The following SIPA1L3 variants were observed in gnomAD, a reference collection of about 807,000 sequenced individuals.
The protein encoded by SIPA1L3 is signal induced proliferation associated 1 like 3.
SIPA1L3 carries 59 observed loss-of-function variants against 150.1 expected under a neutral mutation model. The ratio of observed to expected loss-of-function variants is 0.39; its 90% CI spans 0.32 to 0.49. The LOEUF (loss-of-function observed/expected upper bound fraction) is 0.49, where lower values mean the gene tolerates loss of function less well. Among genes scored for constraint, SIPA1L3 ranks in the 20% least tolerant of loss-of-function variants. SIPA1L3 has a pLI of 0.86. For missense variants in SIPA1L3, 2,211 were observed against 2,489.5 expected (o/e 0.89, Z 2.38); for synonymous variants, 1,070 against 1,077.6 (o/e 0.99, Z 0.14).
intron 4 of SIPA1L3, among the ~76,000 whole-genome samples, chr19:38,098,348 A>C (rs1600065438): frequency 6.7e-6 from 1 of 148,582 alleles, no homozygotes; most frequent in African/African-American, 2.5e-5. Flanking sequence ...TTCTCATACC[A>C]CTGCCCATCA....
At chr19:38,203,093 T>A (rs964180049) in intron 20 of SIPA1L3, among the ~76,000 whole-genome samples, 2 of 152,034 alleles carry the variant, frequency 1.3e-5, no homozygotes, top group Admixed American at 1.3e-4. Context: ...GTGGGAGCAA[T>A]TTTTGAGGGT....
rs1277662578 is a variant in SIPA1L3, at chr19:38,119,738, G to A, written c.2724G>A (p.Val908=). 2 of 1,614,168 alleles carry A rather than the reference G, an allele frequency of 1.2e-6. No individual in the cohort carries two copies. Among genetic ancestry groups the A allele is most frequent in the Admixed American group, 1.7e-5 (1 of 60,030 alleles). The change falls in exon 9 of 22, where the codon GTG becomes GTA. Residue 908 remains valine, a synonymous_variant. Coordinates refer to ENST00000222345, the MANE Select transcript of SIPA1L3 (RefSeq NM_015073.3). The part of the protein sequence containing the change: ...VLLDLRTKEV[V]FNCYCGDVIG... ...TGGACTTACGCACCAAGGAGGTGGT[G>A]TTCAACTGCTACTGCGGGGATGTCA...
intron 15 of SIPA1L3, among the ~76,000 whole-genome samples, chr19:38,166,047 G>A (rs1347492010): frequency 1.3e-5 from 2 of 152,276 alleles, no homozygotes; most frequent in African/African-American, 4.8e-5. Context: ...ACAGGTGTGA[G>A]CCACCATGCC....
At chr19:37,919,408 T>C (rs2046439360) in intron 1 of SIPA1L3, among the ~76,000 whole-genome samples, 1 of 152,198 alleles carries the variant, frequency 6.6e-6, no homozygotes, top group Non-Finnish European at 1.5e-5. Context: ...TTAGAACCAC[T>C]CCTTGGGGTA....
intron 18 of SIPA1L3, 39 bp downstream of exon 18, chr19:38,193,819 C>A: frequency 6.6e-7 from 1 of 1,506,710 alleles, no homozygotes; most frequent in Non-Finnish European, 8.8e-7. Context: ...GGTAGTTACC[C>A]CAAGGTTGGG....
intron 1 of SIPA1L3, among the ~76,000 whole-genome samples, chr19:37,941,329 C>G (rs2046655646): frequency 1.3e-5 from 2 of 152,072 alleles, no homozygotes; most frequent in South Asian, 2.1e-4. Flanking sequence ...GACTATTCCT[C>G]TAGAGAGAAC....
intron 20 of SIPA1L3, chr19:38,203,886 AGC>A (rs1973144846): frequency 1.9e-6 from 1 of 530,234 alleles, no homozygotes; most frequent in Non-Finnish European, 3.4e-6. Context: ...AAGGGTGGGC[AGC>A]CACCCTTCCC....
intron 2 of SIPA1L3, among the ~76,000 whole-genome samples, chr19:38,036,627 C>T (rs1421601866): frequency 3.3e-5 from 5 of 152,222 alleles, no homozygotes; most frequent in Non-Finnish European, 7.3e-5. Flanking sequence ...ATCACAGTGT[C>T]TCTGCTTTCT....
At chr19:37,919,705 C>CTT (rs10644508) in intron 1 of SIPA1L3, among the ~76,000 whole-genome samples, 1,850 of 84,128 alleles carry the variant, frequency 0.022, 41 homozygotes, top group African/African-American at 0.033. Flanking sequence ...GGCCCTGAGG[C>CTT]TTTTTTTTTT....
At chr19:38,070,574 T>G (rs1317067316) in intron 2 of SIPA1L3, among the ~76,000 whole-genome samples, 1 of 152,236 alleles carries the variant, frequency 6.6e-6, no homozygotes, top group Non-Finnish European at 1.5e-5. Flanking sequence ...GCTTGTAGAA[T>G]GAATGAATGA....
At chr19:38,061,109 G>A (rs971127541) in intron 2 of SIPA1L3, among the ~76,000 whole-genome samples, 4 of 152,204 alleles carry the variant, frequency 2.6e-5, no homozygotes, top group African/African-American at 9.6e-5. Context: ...TTGCACTTCA[G>A]GGTGGGGTAA....
Position 38,119,643 on chromosome 19 carries a change from G to T in SIPA1L3, c.2629G>T (p.Ala877Ser). The change falls in exon 9 of 22, where the codon GCC becomes TCC. Residue 877 changes from alanine to serine, a missense_variant. Physicochemically the swap from Ala to Ser is moderately conservative, Grantham distance 99. Coordinates refer to ENST00000222345, the MANE Select transcript of SIPA1L3 (RefSeq NM_015073.3). ...SAGAIAWRVVAQDYAQGVEID... is the reference protein window; with the variant it reads ...SAGAIAWRVVSQDYAQGVEID... ...AGGGGCCATCGCCTGGAGGGTGGTGGCCCAGGACTACGCCCAGGGGGTGGA... is the reference window on the plus strand; with the variant it reads ...AGGGGCCATCGCCTGGAGGGTGGTGTCCCAGGACTACGCCCAGGGGGTGGA... 1 of 1,614,080 alleles carries T rather than the reference G, an allele frequency of 6.2e-7. No homozygotes were observed. The highest frequency in any genetic ancestry group is 8.5e-7 in the Non-Finnish European group (1 of 1,179,918).
chr19:38,105,145 G>A (rs1970594845), intron 6 of SIPA1L3, among the ~76,000 whole-genome samples: 2 of 151,852 alleles, frequency 1.3e-5, no homozygotes, highest in African/African-American at 4.8e-5. Context: ...ATCACCTGAG[G>A]TCAGGGGTTC....
At position 38,110,361 on chromosome 19, in the gene SIPA1L3, C is replaced by G. The variant is rs769222101; in HGVS notation, c.2268C>G (p.Pro756=). The G allele has an allele frequency of 6.2e-7, 1 of 1,614,102 alleles. No individual in the cohort carries two copies. Among genetic ancestry groups the G allele is most frequent in the South Asian group, 1.1e-5 (1 of 91,072 alleles). Reference sequence around the variant, plus strand: ...TCATCATTGTCCGAGTCCACAACCCCTGCACTGATAACGTCTGTTACAGGT... The same window carrying G: ...TCATCATTGTCCGAGTCCACAACCCGTGCACTGATAACGTCTGTTACAGGT... ...HVFIIVRVHN[P]CTDNVCYSMA... The change falls in exon 8 of 22, where the codon CCC becomes CCG. Residue 756 remains proline, a synonymous_variant. Coordinates refer to ENST00000222345, the MANE Select transcript of SIPA1L3 (RefSeq NM_015073.3).
At chr19:38,054,982 G>A (rs1352067800) in intron 2 of SIPA1L3, among the ~76,000 whole-genome samples, 1 of 152,214 alleles carries the variant, frequency 6.6e-6, no homozygotes, top group Non-Finnish European at 1.5e-5. Context: ...AAGCACGTTG[G>A]AACCAAGACT....
chr19:38,158,561 C>T (rs900834896), intron 13 of SIPA1L3, among the ~76,000 whole-genome samples: 7 of 152,172 alleles, frequency 4.6e-5, no homozygotes, highest in African/African-American at 7.2e-5. Flanking sequence ...GGATCTGACT[C>T]GGGTGTTCCC....
intron 1 of SIPA1L3, among the ~76,000 whole-genome samples, chr19:37,920,968 G>C (rs2046452803): frequency 6.6e-6 from 1 of 152,186 alleles, no homozygotes; most frequent in African/African-American, 2.4e-5. Flanking sequence ...TCAACAAAAA[G>C]CCTCAGACCC....
chr19:38,101,964 G>A (rs113973935), intron 6 of SIPA1L3, among the ~76,000 whole-genome samples: 1,577 of 152,130 alleles, frequency 0.01, 31 homozygotes, highest in African/African-American at 0.036. Context: ...CACATGCTTC[G>A]TGCTGCGCAA....
intron 2 of SIPA1L3, among the ~76,000 whole-genome samples, chr19:38,074,451 C>T (rs575565976): frequency 3.3e-5 from 5 of 152,348 alleles, no homozygotes; most frequent in East Asian, 1.9e-4. Flanking sequence ...ATCCTCCCTC[C>T]GCACTCTGCA....
Sources: gnomAD v4.1 joint callset for allele counts (sites outside exome capture counted in the v4.1 genomes callset) on GRCh38, gnomAD v4.1.1 for gene constraint, MANE v1.5 for transcripts, NCBI Gene and HGNC (gene_info 2026-07-23, HGNC 2026-07-21) for gene names.